The following TIAM1 variants were observed in gnomAD, a reference collection of about 807,000 sequenced individuals.
TIAM1 encodes the protein rho guanine nucleotide exchange factor TIAM1.
TIAM1 carries 65 observed loss-of-function variants against 163.5 expected under a neutral mutation model. That is an observed-to-expected ratio of 0.40 (90% CI 0.33 to 0.49). The LOEUF (loss-of-function observed/expected upper bound fraction) is 0.49. Among genes scored for constraint, TIAM1 ranks in the 20% least tolerant of loss-of-function variants. TIAM1 has a pLI of 0.77. For missense variants in TIAM1, 1,789 were observed against 2,044.7 expected (o/e 0.87, Z 2.41); for synonymous variants, 833 against 810.1 (o/e 1.03, Z -0.48).
intron 11 of TIAM1, among the ~76,000 whole-genome samples, chr21:31,205,734 G>C (rs980789264): frequency 6.6e-6 from 1 of 152,210 alleles, no homozygotes; most frequent in African/African-American, 2.4e-5. Flanking sequence ...GGGAGGCCAA[G>C]GTGGGCTAGT....
intron 2 of TIAM1, among the ~76,000 whole-genome samples, chr21:31,361,065 A>G (rs889047365): frequency 6.6e-6 from 1 of 152,172 alleles, no homozygotes; most frequent in Non-Finnish European, 1.5e-5. Context: ...GGTATCTCCA[A>G]AAAAAGTCCA....
At chr21:31,436,651 T>A (rs35576298) in intron 2 of TIAM1, among the ~76,000 whole-genome samples, 6,595 of 150,732 alleles carry the variant, frequency 0.044, 223 homozygotes, top group East Asian at 0.12. Flanking sequence ...ATAAATAAAT[T>A]AATTAATTAA....
intron 2 of TIAM1, among the ~76,000 whole-genome samples, chr21:31,459,263 C>A (rs992698948): frequency 6.6e-6 from 1 of 152,112 alleles, no homozygotes; most frequent in African/African-American, 2.4e-5. Flanking sequence ...AGGCACGTGC[C>A]ACCATGCCCA....
At chr21:31,413,232 C>T (rs1282717349) in intron 2 of TIAM1, among the ~76,000 whole-genome samples, 1 of 147,588 alleles carries the variant, frequency 6.8e-6, no homozygotes, top group Admixed American at 6.8e-5. Flanking sequence ...CTTCCTCTTT[C>T]TGCGTATTTC....
chr21:31,287,221 A>G (rs1471177480), intron 2 of TIAM1, among the ~76,000 whole-genome samples: 2 of 152,210 alleles, frequency 1.3e-5, no homozygotes, highest in Non-Finnish European at 2.9e-5. Context: ...AAAAGAGTAT[A>G]TAAAAATAGG....
At position 31,228,243 on chromosome 21, in the gene TIAM1, A is replaced by ATCTGAT. The variant is rs1569068912; in HGVS notation, c.1585-2294_1585-2293insATCAGA. Among the ~76,000 whole-genome samples, 60 of 51,774 alleles carry ATCTGAT rather than the reference A, an allele frequency of 1.2e-3. 4 individuals are homozygous for ATCTGAT. The East Asian group carries it at 0.012, about 10-fold the overall frequency. 34.0% of individuals were successfully genotyped at this position (51,774 alleles called of 152,430 possible). The stretch of plus-strand genomic sequence containing the variant: ...TTTAAAAAAAAAAAAAAAAAAAAAA[A>ATCTGAT]AAAAAAAAAAAAAAAAGGAAGGAAA... On this transcript the variant is annotated intron_variant, in intron 6 of 27. Coordinates refer to ENST00000541036, the MANE Select transcript of TIAM1 (RefSeq NM_001353694.2).
chr21:31,451,078 A>G (rs1016283327), intron 2 of TIAM1, among the ~76,000 whole-genome samples: 1 of 152,040 alleles, frequency 6.6e-6, no homozygotes, highest in African/African-American at 2.4e-5. Context: ...AAAAAAAAAA[A>G]AAGGTTCGCT....
intron 1 of TIAM1, among the ~76,000 whole-genome samples, chr21:31,476,432 A>G (rs1472446111): frequency 1.3e-5 from 2 of 152,214 alleles, no homozygotes; most frequent in Non-Finnish European, 2.9e-5. Flanking sequence ...TCTGCACTGC[A>G]TTGGTAATTC....
intron 2 of TIAM1, among the ~76,000 whole-genome samples, chr21:31,403,304 C>A (rs1237661788): frequency 2.6e-5 from 4 of 152,102 alleles, no homozygotes; most frequent in Admixed American, 1.3e-4. Context: ...CGTGCCACCA[C>A]ACCCGGCTAA....
intron 2 of TIAM1, among the ~76,000 whole-genome samples, chr21:31,381,219 T>A (rs1360853921): frequency 6.6e-6 from 1 of 152,166 alleles, no homozygotes; most frequent in African/African-American, 2.4e-5. Flanking sequence ...ATGTTGAAAT[T>A]CTAATCCCTA....
At chr21:31,481,440 G>A (rs1046531878) in intron 1 of TIAM1, among the ~76,000 whole-genome samples, 1 of 152,058 alleles carries the variant, frequency 6.6e-6, no homozygotes, top group African/African-American at 2.4e-5. Context: ...CAGGACTGAC[G>A]CTAACTACCC....
intron 2 of TIAM1, among the ~76,000 whole-genome samples, chr21:31,305,598 T>C (rs750839163): frequency 6.6e-6 from 1 of 152,198 alleles, no homozygotes; most frequent in Non-Finnish European, 1.5e-5. Context: ...CTGGAAATTT[T>C]ATCAACGGCC....
chr21:31,391,347 G>C (rs969810713), intron 2 of TIAM1, among the ~76,000 whole-genome samples: 6 of 152,080 alleles, frequency 3.9e-5, no homozygotes, highest in Non-Finnish European at 8.8e-5. Context: ...AGTCTAGGCC[G>C]GGCGCAATGG....
At chr21:31,203,410 A>C (rs185185692) in intron 11 of TIAM1, among the ~76,000 whole-genome samples, 4 of 152,258 alleles carry the variant, frequency 2.6e-5, no homozygotes, top group African/African-American at 9.6e-5. Flanking sequence ...GGCGTGGGCC[A>C]CTGCTCCCGG....
At chr21:31,511,984 C>T (rs1034804806) in intron 1 of TIAM1, among the ~76,000 whole-genome samples, 5 of 152,132 alleles carry the variant, frequency 3.3e-5, no homozygotes, top group African/African-American at 1.2e-4. Context: ...AAGTGGCAAA[C>T]CACAGCCCGT....
In TIAM1 at chr21:31,121,571, C is replaced by T. The variant is rs563107260; in HGVS notation, c.4307-734G>A. Among the ~76,000 whole-genome samples the T allele has an allele frequency of 1.4e-3, 215 of 152,260 alleles. 1 individual carries two copies. The highest frequency in any genetic ancestry group is 2.0e-3 in the Non-Finnish European group (138 of 68,020). On this transcript the variant is annotated intron_variant, in intron 27 of 27. Transcript: ENST00000541036. The stretch of plus-strand genomic sequence containing the variant: ...GTCCCACATGAGCTAGGAAGCTAAG[C>T]AAATGTGTGCCTTAGTCTCCCCCAA...
chr21:31,473,979 C>T (rs2045848470), intron 1 of TIAM1, among the ~76,000 whole-genome samples: 1 of 152,158 alleles, frequency 6.6e-6, no homozygotes. Context: ...GCACCAGCAT[C>T]TGTTTCTGGT....
chr21:31,181,805 T>A (rs1321824511), intron 15 of TIAM1, among the ~76,000 whole-genome samples: 10 of 102,918 alleles, frequency 9.7e-5, no homozygotes, highest in African/African-American at 2.4e-4. Flanking sequence ...TTTTTTTTTT[T>A]ACGAGACAGG....
At chr21:31,443,306 T>A (rs1569336182) in intron 2 of TIAM1, among the ~76,000 whole-genome samples, 1 of 152,122 alleles carries the variant, frequency 6.6e-6, no homozygotes. Flanking sequence ...CCCCAGATAT[T>A]ATAAAAGCAT....
Sources: allele counts gnomAD v4.1 joint callset (sites outside exome capture counted in the v4.1 genomes callset), GRCh38; gene constraint gnomAD v4.1.1; transcripts MANE v1.5; gene names NCBI Gene and HGNC (gene_info 2026-07-23, HGNC 2026-07-21).